TP63: variants seen among roughly 807,000 people sequenced by gnomAD.
TP63 encodes the protein tumor protein 63.
TP63 carries 17 observed loss-of-function variants against 82.8 expected under a neutral mutation model. The ratio of observed to expected loss-of-function variants is 0.21; its 90% CI spans 0.14 to 0.31. The LOEUF (loss-of-function observed/expected upper bound fraction) is 0.31, where lower values mean the gene tolerates loss of function less well. TP63 is among the 10% of genes least tolerant of loss of function. The pLI is 1.00. For synonymous variants in TP63, 330 were observed against 321.7 expected (o/e 1.03, Z -0.28); for missense variants, 648 against 895.3 (o/e 0.72, Z 3.52).
intron 4 of TP63, among the ~76,000 whole-genome samples, chr3:189,860,068 TG>T (rs2108785785): frequency 6.6e-6 from 1 of 152,302 alleles, no homozygotes. Context: ...GGTGTACATT[TG>T]TCAAGCCATC....
At chr3:189,750,339 T>C in intron 3 of TP63, among the ~76,000 whole-genome samples, 1 of 151,946 alleles carries the variant, frequency 6.6e-6, no homozygotes, top group South Asian at 2.1e-4. Context: ...AAAGGGGTGA[T>C]GAAAAGAGGT....
chr3:189,614,895 C>T, the TP63 span, among the ~76,000 whole-genome samples: 5 of 152,168 alleles, frequency 3.3e-5, no homozygotes, highest in African/African-American at 9.7e-5. Context: ...AAGGCTGTGC[C>T]ATCCACCTAC....
intron 4 of TP63, among the ~76,000 whole-genome samples, chr3:189,863,149 T>C (rs779373616): frequency 2.6e-5 from 4 of 152,180 alleles, no homozygotes; most frequent in Admixed American, 6.5e-5. Context: ...TGGGAGGATG[T>C]TGGGGCCAAC....
At chr3:189,709,055 T>G (rs1718406969) in intron 1 of TP63, among the ~76,000 whole-genome samples, 1 of 152,216 alleles carries the variant, frequency 6.6e-6, no homozygotes, top group African/African-American at 2.4e-5. Context: ...CATCCTTGTT[T>G]GCTGTTTTAT....
intron 4 of TP63, among the ~76,000 whole-genome samples, chr3:189,824,736 G>A (rs995856482): frequency 2.0e-5 from 3 of 151,932 alleles, no homozygotes; most frequent in Non-Finnish European, 2.9e-5. Flanking sequence ...CAGGGAGGGA[G>A]AGGCCCTTGT....
rs774764336 is a variant in TP63 at position 189,875,593 on chromosome 3, CATATATATATATAT to C, written c.1349+2630_1349+2643del. On this transcript the variant is annotated intron_variant, in intron 10 of 13. Coordinates refer to ENST00000264731, the MANE Select transcript of TP63 (RefSeq NM_003722.5). ...AAAGAAAAAGAAAAAAAAATACATA[CATATATATATATAT>C]ATATATATATATATATATATATATA... 3.8e-3 allele frequency among the ~76,000 whole-genome samples: 154 copies of C among 40,766 alleles called. 5 individuals are homozygous for C. Among genetic ancestry groups the C allele is most frequent in the African/African-American group, 6.4e-3 (74 of 11,602 alleles). 26.7% of individuals were successfully genotyped at this position (40,766 alleles called of 152,430 possible).
At chr3:189,868,778 G>A in intron 8 of TP63, 62 bp downstream of exon 8, 4 of 1,611,708 alleles carry the variant, frequency 2.5e-6, no homozygotes, top group East Asian at 2.2e-5. Context: ...TGGAGAATGG[G>A]GTGATATTGG....
At chr3:189,765,685 G>A (rs935811265) in intron 3 of TP63, among the ~76,000 whole-genome samples, 2 of 151,418 alleles carry the variant, frequency 1.3e-5, no homozygotes, top group African/African-American at 2.4e-5. Flanking sequence ...CGCCCACCTC[G>A]GCCTCCCAAA....
At chr3:189,889,757 C>T (rs770240104) in intron 12 of TP63, among the ~76,000 whole-genome samples, 19 of 152,246 alleles carry the variant, frequency 1.2e-4, no homozygotes, top group Non-Finnish European at 2.1e-4. Context: ...CCTTCCTCCT[C>T]TCTCACATTT....
At chr3:189,661,577 G>A (rs1713885293) in intron 1 of TP63, among the ~76,000 whole-genome samples, 2 of 152,052 alleles carry the variant, frequency 1.3e-5, no homozygotes, top group African/African-American at 2.4e-5. Flanking sequence ...TCAGGGTGAT[G>A]CTGGCTTCAT....
At chr3:189,657,718 A>G (rs1026429120) in intron 1 of TP63, among the ~76,000 whole-genome samples, 1 of 152,128 alleles carries the variant, frequency 6.6e-6, no homozygotes, top group Non-Finnish European at 1.5e-5. Flanking sequence ...GATTAGAGTT[A>G]CAGACATCAG....
chr3:189,789,908 C>A, intron 3 of TP63: 1 of 1,448,254 alleles, frequency 6.9e-7, no homozygotes, highest in Non-Finnish European at 9.2e-7. Context: ...TGTAAAAAAA[C>A]TTACGTATTT....
intron 1 of TP63, among the ~76,000 whole-genome samples, chr3:189,726,818 T>G (rs1577311068): frequency 6.6e-6 from 1 of 152,218 alleles, no homozygotes; most frequent in Non-Finnish European, 1.5e-5. Context: ...TCACAAGTAT[T>G]AACTCAAACT....
At chr3:189,859,703 G>A (rs193246364) in intron 4 of TP63, among the ~76,000 whole-genome samples, 3 of 152,236 alleles carry the variant, frequency 2.0e-5, no homozygotes, top group Admixed American at 1.3e-4. Flanking sequence ...AAGAAAAATG[G>A]AAATGTACAT....
At chr3:189,869,248 A>G in intron 8 of TP63, 76 bp from the exon 9 acceptor site, 1 of 1,063,716 alleles carries the variant, frequency 9.4e-7, no homozygotes, top group Non-Finnish European at 1.4e-6. Context: ...TTAATATTTA[A>G]TTATTAAGTA....
chr3:189,649,113 A>G (rs1031446130), intron 1 of TP63, among the ~76,000 whole-genome samples: 1 of 147,402 alleles, frequency 6.8e-6, no homozygotes, highest in Admixed American at 6.7e-5. Context: ...TCTTCAGTCC[A>G]TAAATGAACA....
At position 189,654,751 on chromosome 3, in the gene TP63, A is replaced by G. The variant is rs73056135; in HGVS notation, c.62+23174A>G. On this transcript the variant is annotated intron_variant, in intron 1 of 13. Coordinates refer to ENST00000264731, the MANE Select transcript of TP63 (RefSeq NM_003722.5). ...ATATGTATGAATGACCCAGTTATGT[A>G]GAAATTTTTGTGTGTGCTGAGTTTC... Among the ~76,000 whole-genome samples the G allele has an allele frequency of 7.4e-3, 1,133 of 152,360 alleles. 15 individuals are homozygous for G. Among genetic ancestry groups the G allele is most frequent in the African/African-American group, 0.025 (1,054 of 41,588 alleles).
chr3:189,704,054 A>C (rs558825314), intron 1 of TP63, among the ~76,000 whole-genome samples: 1 of 152,240 alleles, frequency 6.6e-6, no homozygotes, highest in Non-Finnish European at 1.5e-5. Context: ...TTGGGTTCAC[A>C]TTTGGACAAC....
At chr3:189,801,364 T>G (rs949527994) in intron 3 of TP63, among the ~76,000 whole-genome samples, 1 of 152,130 alleles carries the variant, frequency 6.6e-6, no homozygotes, top group Non-Finnish European at 1.5e-5. Flanking sequence ...AATTAAAAAT[T>G]ATTAAATATT....
Sources: allele counts gnomAD v4.1 joint callset (sites outside exome capture counted in the v4.1 genomes callset), GRCh38; gene constraint gnomAD v4.1.1; transcripts MANE v1.5; gene names NCBI Gene and HGNC (gene_info 2026-07-23, HGNC 2026-07-21).